The following PPARGC1A variants were observed in gnomAD, a reference collection of about 807,000 sequenced individuals.
PPARGC1A encodes PPARG coactivator 1 alpha.
In PPARGC1A, 25 loss-of-function variants were observed where a neutral mutation model predicts 88.7. That is an observed-to-expected ratio of 0.28 (90% CI 0.21 to 0.39). The LOEUF (loss-of-function observed/expected upper bound fraction) is 0.39, where lower values mean the gene tolerates loss of function less well. Ranked by LOEUF, PPARGC1A falls within the 10% of genes least tolerant of loss-of-function variation. PPARGC1A has a pLI of 1.00. For synonymous variants in PPARGC1A, 363 were observed against 355.6 expected, an observed-to-expected ratio of 1.02 and a Z score of -0.24; for missense variants, 880 against 968.7, an observed-to-expected ratio of 0.91 and a Z score of 1.22.
At chr4:24,000,887 C>CT in the PPARGC1A span, among the ~76,000 whole-genome samples, 1 of 152,112 alleles carries the variant, frequency 6.6e-6, no homozygotes, top group Non-Finnish European at 1.5e-5. Flanking sequence ...TCACACAATG[C>CT]CAACAACCAG....
At chr4:23,874,844 G>A (rs1367959930) in intron 2 of PPARGC1A, among the ~76,000 whole-genome samples, 1 of 152,162 alleles carries the variant, frequency 6.6e-6, no homozygotes, top group Non-Finnish European at 1.5e-5. Context: ...CTCTTAGCAA[G>A]CTTCAACCAA....
Position 23,792,784 on chromosome 4 carries a change from C to T in PPARGC1A, c.*3038G>A, listed in dbSNP as rs201968356. ...ACGTGTTCATTTGAAATATTCTCTC[C>T]CAAAAAAATAAAAATAAAAATGAGA... On this transcript the variant is annotated 3_prime_UTR_variant, in exon 13 of 13. Transcript: ENST00000264867. 6.6e-6 allele frequency: 1 copy of T among 152,182 alleles called. No individual in the cohort carries two copies. The highest frequency in any genetic ancestry group is 1.5e-5 in the Non-Finnish European group (1 of 67,956). 9.4% of individuals were successfully genotyped at this position (152,182 alleles called of 1,614,324 possible). A position where few individuals can be genotyped will look rare whatever the true frequency, so the allele number is the denominator to read the frequency against.
At chr4:24,076,729 T>C in the PPARGC1A span, among the ~76,000 whole-genome samples, 1 of 152,118 alleles carries the variant, frequency 6.6e-6, no homozygotes, top group Non-Finnish European at 1.5e-5. Flanking sequence ...CACCAGGTTG[T>C]TGCATCAGGT....
At chr4:23,830,307 G>A (rs187852101) in intron 3 of PPARGC1A, among the ~76,000 whole-genome samples, 3 of 152,188 alleles carry the variant, frequency 2.0e-5, no homozygotes, top group African/African-American at 4.8e-5. Context: ...TCTGACACAG[G>A]CAAAGTATTT....
chr4:24,282,540 G>A, the PPARGC1A span, among the ~76,000 whole-genome samples: 1 of 152,210 alleles, frequency 6.6e-6, no homozygotes, highest in Non-Finnish European at 1.5e-5. Flanking sequence ...TGTCACTGAT[G>A]AGGACTTTAT....
At chr4:23,902,155 T>C (rs1050152663), upstream of PPARGC1A, among the ~76,000 whole-genome samples, 4 of 152,138 alleles carry the variant, frequency 2.6e-5, no homozygotes, top group Admixed American at 6.5e-5. Context: ...GTCAAAGACA[T>C]TAAAATTAAA....
chr4:24,105,654 C>T, the PPARGC1A span, among the ~76,000 whole-genome samples: 4 of 152,054 alleles, frequency 2.6e-5, no homozygotes, highest in African/African-American at 4.8e-5. Flanking sequence ...ATATAATAAG[C>T]GAATGGTGTT....
At chr4:24,246,408 G>A in the PPARGC1A span, among the ~76,000 whole-genome samples, 1 of 152,116 alleles carries the variant, frequency 6.6e-6, no homozygotes, top group African/African-American at 2.4e-5. Context: ...CGGAGCACTG[G>A]AGCCCAGGAG....
the PPARGC1A span, among the ~76,000 whole-genome samples, chr4:24,453,361 A>G: frequency 3.3e-5 from 5 of 152,260 alleles, no homozygotes; most frequent in African/African-American, 9.6e-5. Flanking sequence ...ATGGCTGAAG[A>G]TAAGAACAAG....
At chr4:24,183,199 G>A in the PPARGC1A span, among the ~76,000 whole-genome samples, 1 of 152,182 alleles carries the variant, frequency 6.6e-6, no homozygotes, top group Non-Finnish European at 1.5e-5. Context: ...ACAAGCAAAT[G>A]CTTCTCCAGG....
At chr4:24,048,118 C>T in the PPARGC1A span, among the ~76,000 whole-genome samples, 1 of 152,194 alleles carries the variant, frequency 6.6e-6, no homozygotes, top group Non-Finnish European at 1.5e-5. Flanking sequence ...CTATTTTCTT[C>T]TCTAGGCTAT....
chr4:24,214,960 C>G, the PPARGC1A span, among the ~76,000 whole-genome samples: 21 of 152,236 alleles, frequency 1.4e-4, no homozygotes, highest in South Asian at 4.1e-4. Context: ...TCATTGTAAC[C>G]AACAAAATGG....
the PPARGC1A span, among the ~76,000 whole-genome samples, chr4:24,330,404 G>A: frequency 6.6e-6 from 1 of 152,186 alleles, no homozygotes; most frequent in East Asian, 1.9e-4. Flanking sequence ...AACTCGAGCT[G>A]GTTGCAGGGA....
chr4:24,028,582 A>G, the PPARGC1A span, among the ~76,000 whole-genome samples: 1 of 152,166 alleles, frequency 6.6e-6, no homozygotes, highest in Non-Finnish European at 1.5e-5. Flanking sequence ...GGAAGAATAC[A>G]AAGAGGTTAA....
At chr4:24,075,049 A>G in the PPARGC1A span, among the ~76,000 whole-genome samples, 61 of 152,294 alleles carry the variant, frequency 4.0e-4, no homozygotes, top group Middle Eastern at 0.01. Context: ...ACTGAGTGAT[A>G]GACAGAAGTG....
chr4:24,368,287 T>C, the PPARGC1A span, among the ~76,000 whole-genome samples: 2 of 152,204 alleles, frequency 1.3e-5, no homozygotes, highest in Non-Finnish European at 2.9e-5. Context: ...AGGAGCAATT[T>C]TGAAGTACCA....
At chr4:23,842,175 C>G (rs574821743) in intron 2 of PPARGC1A, among the ~76,000 whole-genome samples, 41 of 152,220 alleles carry the variant, frequency 2.7e-4, no homozygotes, top group African/African-American at 9.6e-4. Context: ...GTGGGAGATG[C>G]AAGTTACATG....
intron 1 of PPARGC1A, among the ~76,000 whole-genome samples, chr4:23,895,727 G>C (rs1718477525): frequency 6.6e-6 from 1 of 152,034 alleles, no homozygotes; most frequent in Admixed American, 6.6e-5. Context: ...TTTATACAGA[G>C]CAAGCAGGCA....
chr4:23,810,295 A>G (rs1720654723), intron 10 of PPARGC1A, among the ~76,000 whole-genome samples: 1 of 152,212 alleles, frequency 6.6e-6, no homozygotes, highest in African/African-American at 2.4e-5. Flanking sequence ...TGTCTAGTTA[A>G]TGTAAAATGA....
Sources: gnomAD v4.1 joint callset for allele counts (sites outside exome capture counted in the v4.1 genomes callset) on GRCh38, gnomAD v4.1.1 for gene constraint, MANE v1.5 for transcripts, NCBI Gene and HGNC (gene_info 2026-07-23, HGNC 2026-07-21) for gene names.